The following BMAL1 variants were observed in gnomAD, a reference collection of about 807,000 sequenced individuals.
BMAL1 encodes basic helix-loop-helix ARNT-like protein 1.
At chr11:13,340,714 A>C in the BMAL1 span, among the ~76,000 whole-genome samples, 1 of 151,814 alleles carries the variant, frequency 6.6e-6, no homozygotes, top group Admixed American at 6.6e-5. Flanking sequence ...TCCTCTTGCC[A>C]CCCCTGCTCT....
At chr11:13,354,391 T>C in the BMAL1 span, 1 of 1,614,086 alleles carries the variant, frequency 6.2e-7, no homozygotes, top group Admixed American at 1.7e-5. Flanking sequence ...TCCAGCTCTC[T>C]TGGTACCAGT....
chr11:13,333,828 C>G, the BMAL1 span, among the ~76,000 whole-genome samples: 3 of 152,208 alleles, frequency 2.0e-5, no homozygotes, highest in East Asian at 5.8e-4. Flanking sequence ...CAACACAGAA[C>G]AAAGGTCGGT....
At chr11:13,374,236 A>G in the BMAL1 span, 1 of 1,584,596 alleles carries the variant, frequency 6.3e-7, no homozygotes, top group East Asian at 2.2e-5. Flanking sequence ...TTAAGTTGAA[A>G]GTGTCCCCTT....
chr11:13,359,853 C>T, the BMAL1 span, among the ~76,000 whole-genome samples: 4 of 152,104 alleles, frequency 2.6e-5, no homozygotes, highest in Non-Finnish European at 4.4e-5. Flanking sequence ...TTTAACTCAC[C>T]CCTGATGAAG....
At chr11:13,283,019 C>CGTTA in the BMAL1 span, among the ~76,000 whole-genome samples, 2 of 152,186 alleles carry the variant, frequency 1.3e-5, no homozygotes, top group Admixed American at 1.3e-4. Flanking sequence ...GAATTGGGGA[C>CGTTA]TTAACCTCAG....
the BMAL1 span, among the ~76,000 whole-genome samples, chr11:13,346,390 C>G: frequency 6.6e-6 from 1 of 152,184 alleles, no homozygotes; most frequent in Non-Finnish European, 1.5e-5. Flanking sequence ...GAGAGAGTCA[C>G]TTGGTCTGAA....
chr11:13,359,043 C>A, the BMAL1 span, among the ~76,000 whole-genome samples: 1 of 152,156 alleles, frequency 6.6e-6, no homozygotes, highest in Non-Finnish European at 1.5e-5. Flanking sequence ...TGTGGGTTCT[C>A]GCGACATTTT....
chr11:13,350,025 T>A, the BMAL1 span: 1 of 152,326 alleles, frequency 6.6e-6, no homozygotes, highest in African/African-American at 2.4e-5. Context: ...CAGAGGCCCC[T>A]AACTCCTCCC....
At chr11:13,357,056 T>C in the BMAL1 span, 1 of 1,614,226 alleles carries the variant, frequency 6.2e-7, no homozygotes, top group Non-Finnish European at 8.5e-7. This position sits in a 1 kb window ranked among gnomAD's most constrained non-coding sequence, Gnocchi z 4.8. Context: ...TCCCCCCAGG[T>C]TAGAATATAC....
the BMAL1 span, among the ~76,000 whole-genome samples, chr11:13,382,207 ATCT>A: frequency 6.6e-6 from 1 of 152,214 alleles, no homozygotes; most frequent in African/African-American, 2.4e-5. Context: ...TTATACAGGA[ATCT>A]TCTGCAAACA....
the BMAL1 span, chr11:13,376,916 CG>C: frequency 1.7e-6 from 1 of 590,950 alleles, no homozygotes; most frequent in Non-Finnish European, 2.9e-6. Context: ...TCTGTTGAGC[CG>C]GAATACTAGG....
chr11:13,277,206 A>G, the BMAL1 span: 1 of 152,380 alleles, frequency 6.6e-6, no homozygotes, highest in African/African-American at 2.4e-5. Flanking sequence ...TTGGTTTCCT[A>G]GATGGAGCCG....
the BMAL1 span, among the ~76,000 whole-genome samples, chr11:13,349,276 C>T: frequency 1.6e-4 from 25 of 152,356 alleles, no homozygotes; most frequent in African/African-American, 5.8e-4. Flanking sequence ...TGGCATTATG[C>T]TTCGGCTTAA....
chr11:13,385,850 G>C, the BMAL1 span: 10 of 1,331,690 alleles, frequency 7.5e-6, no homozygotes, highest in African/African-American at 1.4e-4. Flanking sequence ...CTTACATAAA[G>C]TCAATTTTAA....
the BMAL1 span, among the ~76,000 whole-genome samples, chr11:13,376,161 G>C: frequency 6.6e-6 from 1 of 152,354 alleles, no homozygotes; most frequent in South Asian, 2.1e-4. Flanking sequence ...CTCCATACCT[G>C]TCAGGCAGGG....
the BMAL1 span, among the ~76,000 whole-genome samples, chr11:13,309,500 T>C: frequency 2.0e-5 from 3 of 152,158 alleles, no homozygotes; most frequent in Admixed American, 2.0e-4. Context: ...AGCAGTGGGG[T>C]TGAGGCATTC....
At chr11:13,358,501 T>G in the BMAL1 span, 2 of 1,613,260 alleles carry the variant, frequency 1.2e-6, no homozygotes, top group Non-Finnish European at 1.7e-6. Flanking sequence ...TGAATTGGCT[T>G]CTTTGGTACC....
chr11:13,333,914 C>G, the BMAL1 span, among the ~76,000 whole-genome samples: 1 of 152,216 alleles, frequency 6.6e-6, no homozygotes, highest in Non-Finnish European at 1.5e-5. Context: ...TCCACCCACT[C>G]TATCTCCCTC....
At chr11:13,276,655 CT>C in the BMAL1 span, 1 of 152,218 alleles carries the variant, frequency 6.6e-6, no homozygotes, top group Non-Finnish European at 1.5e-5. Context: ...CCACTCCACC[CT>C]ACCCCAGCAG....
Sources: allele counts gnomAD v4.1 joint callset (sites outside exome capture counted in the v4.1 genomes callset), GRCh38; gene constraint gnomAD v4.1.1; non-coding constraint Gnocchi (gnomAD v3.1); transcripts MANE v1.5; gene names NCBI Gene and HGNC (gene_info 2026-07-23, HGNC 2026-07-21).